EHBP1: variants seen among roughly 807,000 people sequenced by gnomAD.
EHBP1 encodes EH domain binding protein 1.
In EHBP1, 55 loss-of-function variants were observed where a neutral mutation model predicts 144.0. The observed-to-expected ratio is 0.38, with a 90% CI of 0.31 to 0.48. EHBP1 has a LOEUF of 0.48. Ranked by LOEUF, EHBP1 falls within the 20% of genes least tolerant of loss-of-function variation. EHBP1 has a pLI of 0.98. For missense variants in EHBP1, 1,200 were observed against 1,364.2 expected, an observed-to-expected ratio of 0.88 and a Z score of 1.90; for synonymous variants, 469 against 472.7, an observed-to-expected ratio of 0.99 and a Z score of 0.10.
At chr2:62,957,091 C>G (rs2057739803) in intron 14 of EHBP1, among the ~76,000 whole-genome samples, 1 of 151,996 alleles carries the variant, frequency 6.6e-6, no homozygotes, top group African/African-American at 2.4e-5. Flanking sequence ...ATGTAAAAAT[C>G]CTATAGAAAA....
intron 19 of EHBP1, among the ~76,000 whole-genome samples, chr2:63,012,406 T>C (rs189135163): frequency 6.6e-6 from 1 of 152,238 alleles, no homozygotes; most frequent in East Asian, 1.9e-4. Flanking sequence ...AGACTGTAGA[T>C]ACTTGTCATA....
At chr2:62,865,098 G>T (rs372375294) in intron 9 of EHBP1, 127 bp downstream of exon 9, 34 of 1,053,058 alleles carry the variant, frequency 3.2e-5, no homozygotes, top group Non-Finnish European at 4.5e-5. Context: ...TATCTAACTC[G>T]TCCACTATCT....
intron 19 of EHBP1, among the ~76,000 whole-genome samples, chr2:63,026,197 C>G (rs556221943): frequency 4.6e-5 from 7 of 152,072 alleles, no homozygotes; most frequent in South Asian, 2.1e-4. Flanking sequence ...AAAACTCTGA[C>G]ACTCTGCTGG....
At chr2:62,866,420 T>A (rs959413585) in intron 9 of EHBP1, among the ~76,000 whole-genome samples, 2 of 152,040 alleles carry the variant, frequency 1.3e-5, no homozygotes, top group African/African-American at 4.8e-5. Context: ...GAAAACATAA[T>A]CATTAGTATA....
At chr2:62,788,615 C>CT (rs1218732957) in intron 5 of EHBP1, among the ~76,000 whole-genome samples, 15 of 152,076 alleles carry the variant, frequency 9.9e-5, no homozygotes, top group South Asian at 2.1e-4. Flanking sequence ...TTATAAGAGG[C>CT]TTTTTTTGCC....
intron 21 of EHBP1, among the ~76,000 whole-genome samples, chr2:63,042,403 A>G (rs558442655): frequency 6.6e-6 from 1 of 152,118 alleles, no homozygotes; most frequent in Non-Finnish European, 1.5e-5. Flanking sequence ...TAGTTTGCTA[A>G]TGTAAAATCT....
At chr2:63,028,343 C>T (rs996961168) in intron 19 of EHBP1, among the ~76,000 whole-genome samples, 2 of 152,128 alleles carry the variant, frequency 1.3e-5, no homozygotes, top group African/African-American at 4.8e-5. Flanking sequence ...AAGAAACTTA[C>T]TGTGCAGGCA....
At chr2:62,773,850 CAAAAAAAAAAAAAAAAAAAA>C (rs570715468) in intron 5 of EHBP1, among the ~76,000 whole-genome samples, 7 of 41,552 alleles carry the variant, frequency 1.7e-4, no homozygotes, top group South Asian at 3.0e-3. Context: ...GACTCCATCT[CAAAAAAAAAAAAAAAAAAAA>C]AAAAAAAAAA....
At chr2:62,734,052 A>T (rs2037869221) in intron 2 of EHBP1, among the ~76,000 whole-genome samples, 2 of 152,186 alleles carry the variant, frequency 1.3e-5, no homozygotes, top group Admixed American at 1.3e-4. Flanking sequence ...TTGTGGGGCT[A>T]TATAGAAGTG....
intron 20 of EHBP1, among the ~76,000 whole-genome samples, chr2:63,038,232 A>C (rs559887151): frequency 6.6e-6 from 1 of 152,240 alleles, no homozygotes; most frequent in Admixed American, 6.5e-5. Flanking sequence ...TAGCGTGAGA[A>C]TGAGCAGGCT....
chr2:62,976,318 G>A (rs2058710739), intron 14 of EHBP1, among the ~76,000 whole-genome samples: 1 of 151,966 alleles, frequency 6.6e-6, no homozygotes, highest in Non-Finnish European at 1.5e-5. Flanking sequence ...GATTTCTCAA[G>A]AAATTTGTGA....
chr2:62,712,481 C>T (rs1267546667), intron 2 of EHBP1, among the ~76,000 whole-genome samples: 1 of 152,100 alleles, frequency 6.6e-6, no homozygotes, highest in East Asian at 1.9e-4. Context: ...GTGAATGCAA[C>T]CAGCAAGTTT....
intron 8 of EHBP1, among the ~76,000 whole-genome samples, chr2:62,863,622 A>C (rs1256520525): frequency 6.6e-6 from 1 of 152,080 alleles, no homozygotes; most frequent in Non-Finnish European, 1.5e-5. Flanking sequence ...AAAGCTCTAA[A>C]GATTTAAAGT....
intron 19 of EHBP1, among the ~76,000 whole-genome samples, chr2:63,012,540 T>C (rs1256079328): frequency 6.6e-6 from 1 of 152,142 alleles, no homozygotes; most frequent in African/African-American, 2.4e-5. Context: ...AAATATGTTA[T>C]TGTAACAAAA....
intron 5 of EHBP1, among the ~76,000 whole-genome samples, chr2:62,805,817 T>C (rs1423223438): frequency 1.3e-5 from 2 of 151,934 alleles, no homozygotes; most frequent in Non-Finnish European, 2.9e-5. Context: ...GCACCCAGAC[T>C]GTATATTTAA....
chr2:62,894,877 C>T (rs940981963), intron 10 of EHBP1, among the ~76,000 whole-genome samples: 3 of 150,590 alleles, frequency 2.0e-5, no homozygotes, highest in Non-Finnish European at 4.4e-5. Flanking sequence ...ATGATTGCCC[C>T]ACTGCACTGT....
intron 10 of EHBP1, among the ~76,000 whole-genome samples, chr2:62,877,137 G>A (rs1014807706): frequency 2.0e-5 from 3 of 152,076 alleles, no homozygotes; most frequent in African/African-American, 7.2e-5. Context: ...ACACCCATAG[G>A]CCCAAAGTAA....
intron 2 of EHBP1, among the ~76,000 whole-genome samples, chr2:62,725,584 C>T (rs1207527823): frequency 6.6e-6 from 1 of 152,164 alleles, no homozygotes; most frequent in Admixed American, 6.5e-5. Flanking sequence ...TTCACTCCCA[C>T]AGCAGTGTTG....
chr2:62,790,280 A>G (rs918224093), intron 5 of EHBP1, among the ~76,000 whole-genome samples: 1 of 152,206 alleles, frequency 6.6e-6, no homozygotes, highest in Non-Finnish European at 1.5e-5. Flanking sequence ...AATTTCTAAC[A>G]CAAAGGTTTT....
Sources: allele counts gnomAD v4.1 joint callset (sites outside exome capture counted in the v4.1 genomes callset), GRCh38; gene constraint gnomAD v4.1.1; transcripts MANE v1.5; gene names NCBI Gene and HGNC (gene_info 2026-07-23, HGNC 2026-07-21).